Variants in TPTE observed in about 807,000 individuals in gnomAD.
TPTE encodes transmembrane phosphatase with tensin homology, also known as putative tyrosine-protein phosphatase TPTE.
In TPTE, 59 loss-of-function variants were observed where a neutral mutation model predicts 84.1. The ratio of observed to expected loss-of-function variants is 0.70; its 90% CI spans 0.57 to 0.87. TPTE has a LOEUF of 0.87. Among genes scored for constraint, TPTE ranks in the 40% least tolerant of loss-of-function variants. The probability of loss-of-function intolerance (pLI) is 0.00; values close to 1 mark genes in which losing one functional copy is unlikely to be tolerated. For synonymous variants in TPTE, 130 were observed against 223.5 expected, an observed-to-expected ratio of 0.58 and a Z score of 3.73; for missense variants, 382 against 659.6, an observed-to-expected ratio of 0.58 and a Z score of 4.61.
intron 3 of TPTE, among the ~76,000 whole-genome samples, chr21:10,528,703 A>C (rs1226024204): frequency 6.6e-6 from 1 of 152,312 alleles, no homozygotes; most frequent in Non-Finnish European, 1.5e-5. Flanking sequence ...TAGTCACCAA[A>C]ATATTTTTTT....
At chr21:10,532,605 T>G (rs571746289) in intron 3 of TPTE, among the ~76,000 whole-genome samples, 23 of 152,420 alleles carry the variant, frequency 1.5e-4, no homozygotes, top group Admixed American at 1.5e-3. Context: ...CTTTTAACCA[T>G]CTTGACTTCT....
At chr21:10,525,755 T>C (rs1324062977) in intron 2 of TPTE, among the ~76,000 whole-genome samples, 1 of 152,312 alleles carries the variant, frequency 6.6e-6, no homozygotes, top group African/African-American at 2.4e-5. Context: ...TACTTATTCA[T>C]GTCCCATGAG....
At chr21:10,558,158 AT>A (rs1296503543) in intron 8 of TPTE, among the ~76,000 whole-genome samples, 1 of 152,312 alleles carries the variant, frequency 6.6e-6, no homozygotes, top group Non-Finnish European at 1.5e-5. Flanking sequence ...TCTGTCATTG[AT>A]GGGTACCTAG....
chr21:10,566,603 C>T (rs1417570823), intron 10 of TPTE, among the ~76,000 whole-genome samples: 16 of 152,418 alleles, frequency 1.0e-4, no homozygotes, highest in African/African-American at 3.6e-4. Context: ...TGGAAGCAAC[C>T]TAAGTGCCCA....
intron 17 of TPTE, among the ~76,000 whole-genome samples, chr21:10,584,994 G>A (rs867440031): frequency 6.6e-6 from 1 of 152,304 alleles, no homozygotes; most frequent in Non-Finnish European, 1.5e-5. Context: ...ACTTTGGGAG[G>A]CCCAGTGGGG....
At chr21:10,549,369 C>T (rs919617966) in intron 7 of TPTE, among the ~76,000 whole-genome samples, 5 of 152,300 alleles carry the variant, frequency 3.3e-5, no homozygotes, top group South Asian at 4.1e-4. Flanking sequence ...AGTAATAGAA[C>T]CTAATCATAA....
At position 10,545,201 on chromosome 21, in the gene TPTE, C is replaced by T. The variant is rs532367031; in HGVS notation, c.173+1819C>T. On this transcript the variant is annotated intron_variant, in intron 7 of 23. Coordinates refer to ENST00000618007, the MANE Select transcript of TPTE (RefSeq NM_199261.4). ...CAATGATGGGTGAAATTTCAAAATA[C>T]GGAGAGAAAGAAGAGAGGCATATAT... Among the ~76,000 whole-genome samples the T allele has an allele frequency of 2.8e-4, 43 of 152,098 alleles. No individual in the cohort carries two copies. In the South Asian group the frequency reaches 7.3e-3, roughly 26 times the overall value.
intron 3 of TPTE, among the ~76,000 whole-genome samples, chr21:10,529,346 A>G (rs551837352): frequency 5.2e-4 from 80 of 152,396 alleles, no homozygotes; most frequent in African/African-American, 1.9e-3. Context: ...GCAAAGATGG[A>G]ATATCCAAAC....
chr21:10,556,469 T>A (rs1293094447), intron 8 of TPTE, among the ~76,000 whole-genome samples: 1 of 152,310 alleles, frequency 6.6e-6, no homozygotes, highest in African/African-American at 2.4e-5. Context: ...TGGTTCCAAG[T>A]CTTTGCTATT....
chr21:10,598,812 C>G (rs1437478239), intron 21 of TPTE, among the ~76,000 whole-genome samples: 1 of 152,306 alleles, frequency 6.6e-6, no homozygotes, highest in South Asian at 2.1e-4. Flanking sequence ...CTACCCAGGC[C>G]TTTGTCTCAA....
At chr21:10,534,222 T>G (rs2145595469) in intron 3 of TPTE, among the ~76,000 whole-genome samples, 1 of 152,428 alleles carries the variant, frequency 6.6e-6, no homozygotes, top group African/African-American at 2.4e-5. Flanking sequence ...AAAGCAGCAT[T>G]GGAGGAGACA....
chr21:10,563,474 GATATAA>G (rs1356540418), intron 10 of TPTE, among the ~76,000 whole-genome samples: 896 of 151,884 alleles, frequency 5.9e-3, no homozygotes, highest in South Asian at 0.023. Context: ...GGTATAATAA[GATATAA>G]ATAGAAATAA....
chr21:10,529,977 C>A (rs1295128850), intron 3 of TPTE, among the ~76,000 whole-genome samples: 12 of 152,300 alleles, frequency 7.9e-5, no homozygotes, highest in Non-Finnish European at 1.3e-4. Context: ...ATAAGGAGAG[C>A]TATTCCTACC....
intron 3 of TPTE, among the ~76,000 whole-genome samples, chr21:10,531,767 A>G (rs2074182512): frequency 1.3e-5 from 2 of 152,312 alleles, no homozygotes; most frequent in South Asian, 4.1e-4. Context: ...CTTTCAGTCT[A>G]CAAAGGTAAT....
intron 7 of TPTE, among the ~76,000 whole-genome samples, chr21:10,545,743 TTG>T (rs1203790647): frequency 3.3e-5 from 5 of 151,806 alleles, no homozygotes; most frequent in Non-Finnish European, 5.9e-5. Flanking sequence ...AAATATGTAT[TTG>T]TGTGTATATA....
At chr21:10,565,925 G>T (rs1382506970) in intron 10 of TPTE, among the ~76,000 whole-genome samples, 4 of 152,300 alleles carry the variant, frequency 2.6e-5, no homozygotes, top group Admixed American at 6.5e-5. Context: ...ACATTGGGAA[G>T]AATCTCCAGG....
At chr21:10,559,621 C>G in intron 9 of TPTE, 77 bp downstream of exon 9, 2 of 1,607,518 alleles carry the variant, frequency 1.2e-6, no homozygotes, top group Non-Finnish European at 1.7e-6. Flanking sequence ...CACCTGTAAT[C>G]CCAGCACCCT....
In TPTE at chr21:10,541,143, A is replaced by G; in HGVS notation, c.43A>G (p.Ile15Val). 3 of 1,613,370 alleles carry G rather than the reference A, an allele frequency of 1.9e-6. No homozygotes were observed. Among genetic ancestry groups the G allele is most frequent in the Middle Eastern group, 1.7e-4 (1 of 6,050 alleles). Residue 15 changes from isoleucine to valine, a missense_variant, in exon 5 of 24, where the codon ATT becomes GTT. Ile to Val is a conservative substitution (Grantham distance 29, BLOSUM62 3). Coordinates refer to ENST00000618007, the MANE Select transcript of TPTE (RefSeq NM_199261.4). ...PDPTDLAGVI[I>V]ELGPNDSPQT... ...TCCGACTGACCTGGCGGGAGTCATC[A>G]TTGAGCTCGGCCCCAATGACAGGTG...
At chr21:10,569,228 TGTAA>T (rs1308125894) in intron 11 of TPTE, among the ~76,000 whole-genome samples, 1 of 152,310 alleles carries the variant, frequency 6.6e-6, no homozygotes, top group East Asian at 1.9e-4. Flanking sequence ...ATTCACTAGA[TGTAA>T]GTAACACACA....
Sources: allele counts gnomAD v4.1 joint callset (sites outside exome capture counted in the v4.1 genomes callset), GRCh38; gene constraint gnomAD v4.1.1; transcripts MANE v1.5; gene names NCBI Gene and HGNC (gene_info 2026-07-23, HGNC 2026-07-21).